Variants in COL24A1 observed in about 807,000 individuals in gnomAD.
COL24A1 encodes the protein collagen type XXIV alpha 1 chain, also known as collagen alpha-1(XXIV) chain.
COL24A1 carries 224 observed loss-of-function variants against 253.9 expected under a neutral mutation model. That is an observed-to-expected ratio of 0.88 (90% CI 0.79 to 0.99). The LOEUF (loss-of-function observed/expected upper bound fraction) is 0.99, where lower values mean the gene tolerates loss of function less well. Among genes scored for constraint, COL24A1 ranks in the 50% least tolerant of loss-of-function variants. COL24A1 has a pLI of 0.00. For missense variants in COL24A1, 2,131 were observed against 2,068.5 expected (o/e 1.03, Z -0.59); for synonymous variants, 685 against 673.7 (o/e 1.02, Z -0.26).
intron 53 of COL24A1, among the ~76,000 whole-genome samples, chr1:85,774,229 C>T (rs762940596): frequency 2.6e-5 from 4 of 152,096 alleles, no homozygotes; most frequent in East Asian, 3.9e-4. Context: ...GCGACTTGAT[C>T]GTGGTGGGTA....
intron 19 of COL24A1, among the ~76,000 whole-genome samples, chr1:86,006,528 A>G (rs899315147): frequency 2.0e-5 from 3 of 152,194 alleles, no homozygotes; most frequent in African/African-American, 7.2e-5. Flanking sequence ...TAGATCACAG[A>G]CCTAATGTAA....
intron 24 of COL24A1, among the ~76,000 whole-genome samples, chr1:85,922,957 A>G (rs1356003984): frequency 1.3e-5 from 2 of 151,018 alleles, no homozygotes; most frequent in Non-Finnish European, 2.9e-5. Context: ...GGCTCAAAAT[A>G]AATGGATGGA....
At chr1:85,986,812 A>G (rs1318686996) in intron 20 of COL24A1, among the ~76,000 whole-genome samples, 2 of 151,780 alleles carry the variant, frequency 1.3e-5, no homozygotes, top group African/African-American at 4.8e-5. Context: ...ACTCCCATTG[A>G]TACCTCCATA....
chr1:86,154,896 CT>C (rs1280539940), intron 1 of COL24A1: 1 of 152,398 alleles, frequency 6.6e-6, no homozygotes, highest in African/African-American at 2.4e-5. Context: ...GCATCCGCCC[CT>C]GATCAGCGGG....
At chr1:85,958,676 G>A (rs1382109943) in intron 24 of COL24A1, among the ~76,000 whole-genome samples, 1 of 151,980 alleles carries the variant, frequency 6.6e-6, no homozygotes, top group African/African-American at 2.4e-5. Context: ...CCTAATATTG[G>A]TCTTTTGGCC....
chr1:85,819,560 T>G (rs1347380103), intron 45 of COL24A1, among the ~76,000 whole-genome samples: 3 of 152,180 alleles, frequency 2.0e-5, no homozygotes, highest in Admixed American at 6.5e-5. Flanking sequence ...CAAAATCATG[T>G]TTTTTAAACA....
At chr1:85,896,153 A>C in intron 29 of COL24A1, 88 bp from the exon 30 acceptor site, 2 of 1,371,360 alleles carry the variant, frequency 1.5e-6, no homozygotes, top group South Asian at 2.5e-5. Context: ...ACTCACATAC[A>C]AAAAAGACAG....
At chr1:86,035,247 G>A (rs1011383604) in intron 12 of COL24A1, among the ~76,000 whole-genome samples, 11 of 152,200 alleles carry the variant, frequency 7.2e-5, no homozygotes, top group South Asian at 4.1e-4. Flanking sequence ...TTTTACTTTC[G>A]TTGTCTTTGG....
chr1:85,754,460 C>A lies in COL24A1; in HGVS notation c.4437+6936G>T, dbSNP rs866612190. Among the ~76,000 whole-genome samples, 450 of 94,888 alleles carry A rather than the reference C, an allele frequency of 4.7e-3. 2 individuals carry two copies. The highest frequency in any genetic ancestry group is 0.026 in the Middle Eastern group (5 of 196). The allele number at this position is 94,888 out of a possible 152,430, so 62.3% of individuals were successfully genotyped here. A position where few individuals can be genotyped will look rare whatever the true frequency, so the allele number is the denominator to read the frequency against. ...CTAGATGACACGTTAGTGGGTGCAG[C>A]GCACCAGCATGGCACATGTATACAT... On this transcript the variant is annotated intron_variant, in intron 55 of 59. Transcript: ENST00000370571.
At chr1:85,791,773 C>T (rs1283250912) in intron 47 of COL24A1, among the ~76,000 whole-genome samples, 2 of 151,896 alleles carry the variant, frequency 1.3e-5, no homozygotes, top group Non-Finnish European at 1.5e-5. Flanking sequence ...TGCAAAGTCT[C>T]ATTACAGGCC....
At chr1:86,005,564 C>A (rs1453106770) in intron 19 of COL24A1, among the ~76,000 whole-genome samples, 6 of 151,990 alleles carry the variant, frequency 3.9e-5, no homozygotes, top group Non-Finnish European at 8.8e-5. Context: ...ATGGAGTCTA[C>A]TGAACACATT....
At chr1:85,989,842 G>A (rs763329839) in intron 19 of COL24A1, among the ~76,000 whole-genome samples, 3 of 152,008 alleles carry the variant, frequency 2.0e-5, no homozygotes, top group Non-Finnish European at 4.4e-5. Flanking sequence ...TTAACTAGAC[G>A]ACTGAATAAC....
chr1:85,994,310 T>A (rs1378956031), intron 19 of COL24A1, among the ~76,000 whole-genome samples: 1 of 151,918 alleles, frequency 6.6e-6, no homozygotes, highest in Non-Finnish European at 1.5e-5. Flanking sequence ...ATATATAGTT[T>A]ATATTCAATA....
At chr1:85,796,715 A>G (rs1174207431) in intron 47 of COL24A1, among the ~76,000 whole-genome samples, 2 of 152,226 alleles carry the variant, frequency 1.3e-5, no homozygotes, top group Non-Finnish European at 2.9e-5. Context: ...TTATGAAAAG[A>G]TGATACCCAA....
At chr1:85,996,664 C>T (rs1571528434) in intron 19 of COL24A1, among the ~76,000 whole-genome samples, 1 of 151,944 alleles carries the variant, frequency 6.6e-6, no homozygotes, top group East Asian at 1.9e-4. Context: ...AAACAAAAAA[C>T]AAAGAAGAAT....
chr1:86,087,418 T>A (rs1260895790), intron 7 of COL24A1, among the ~76,000 whole-genome samples: 1 of 152,182 alleles, frequency 6.6e-6, no homozygotes, highest in Non-Finnish European at 1.5e-5. Flanking sequence ...AAAATGATAA[T>A]CTGCTCTAAT....
intron 24 of COL24A1, among the ~76,000 whole-genome samples, chr1:85,953,154 A>T (rs1278543276): frequency 6.6e-6 from 1 of 152,206 alleles, no homozygotes; most frequent in Admixed American, 6.5e-5. Context: ...AATAAAAATA[A>T]GACAGAGCAC....
chr1:86,091,885 G>C (rs572114206), intron 6 of COL24A1, among the ~76,000 whole-genome samples: 30 of 152,184 alleles, frequency 2.0e-4, no homozygotes, highest in Non-Finnish European at 3.8e-4. Flanking sequence ...CATAAAGTAT[G>C]TGAAACTATT....
chr1:86,071,280 A>C (rs1227498577), intron 7 of COL24A1, among the ~76,000 whole-genome samples: 1 of 152,196 alleles, frequency 6.6e-6, no homozygotes, highest in African/African-American at 2.4e-5. Flanking sequence ...AAATCAAAGC[A>C]TACTACTAGA....
Sources: gnomAD v4.1 joint callset for allele counts (sites outside exome capture counted in the v4.1 genomes callset) on GRCh38, gnomAD v4.1.1 for gene constraint, MANE v1.5 for transcripts, NCBI Gene and HGNC (gene_info 2026-07-23, HGNC 2026-07-21) for gene names.